BLTP1: variants seen among roughly 807,000 people sequenced by gnomAD.
BLTP1 encodes the protein bridge-like lipid transfer protein family member 1, also known as fragile site-associated protein.
At chr4:122,164,359 T>C in the BLTP1 span, 3 of 966,746 alleles carry the variant, frequency 3.1e-6, no homozygotes, top group African/African-American at 5.3e-5. Context: ...ACACGCCAGT[T>C]GTAAAACAAA....
chr4:122,298,582 T>TA, the BLTP1 span: 1 of 841,784 alleles, frequency 1.2e-6, no homozygotes, highest in Admixed American at 6.2e-5. Context: ...TTTAAAAACA[T>TA]ATGACCCCAA....
the BLTP1 span, chr4:122,172,847 A>T: frequency 5.3e-6 from 4 of 758,060 alleles, no homozygotes; most frequent in Non-Finnish European, 6.4e-6. Context: ...AAGCAGGCAT[A>T]CTTGAAACAT....
At chr4:122,251,519 T>A in the BLTP1 span, 1 of 966,934 alleles carries the variant, frequency 1.0e-6, no homozygotes, top group Non-Finnish European at 1.2e-6. Flanking sequence ...TGGAAATGTT[T>A]AGGGGATGGA....
the BLTP1 span, chr4:122,353,889 C>T: frequency 6.2e-7 from 1 of 1,613,906 alleles, no homozygotes; most frequent in Admixed American, 1.7e-5. The surrounding 1 kb of genome is among the most constrained non-coding windows in gnomAD (Gnocchi z 4.3). Context: ...GTTACCAAAC[C>T]ATGTGGTGCT....
the BLTP1 span, among the ~76,000 whole-genome samples, chr4:122,167,080 T>A: frequency 6.6e-6 from 1 of 152,176 alleles, no homozygotes; most frequent in Non-Finnish European, 1.5e-5. Flanking sequence ...GAAAATAGCT[T>A]TTAGAAGGAA....
chr4:122,209,416 G>A, the BLTP1 span: 1 of 1,395,358 alleles, frequency 7.2e-7, no homozygotes. Flanking sequence ...AGGCCGAGAT[G>A]GGTGGATCAC....
the BLTP1 span, chr4:122,224,702 C>T: frequency 6.2e-7 from 1 of 1,613,884 alleles, no homozygotes; most frequent in African/African-American, 1.3e-5. Flanking sequence ...GTACTATCTC[C>T]TGACTTATTT....
At chr4:122,176,343 G>A in the BLTP1 span, among the ~76,000 whole-genome samples, 1 of 152,070 alleles carries the variant, frequency 6.6e-6, no homozygotes, top group African/African-American at 2.4e-5. Context: ...TTAAAAATGA[G>A]TGAAGAGAAT....
chr4:122,326,857 G>C, the BLTP1 span, among the ~76,000 whole-genome samples: 2 of 151,462 alleles, frequency 1.3e-5, no homozygotes, highest in African/African-American at 4.8e-5. Flanking sequence ...TTAAAAATTG[G>C]CTGTTCTAAC....
chr4:122,248,193 C>T, the BLTP1 span: 1 of 825,632 alleles, frequency 1.2e-6, no homozygotes, highest in African/African-American at 1.9e-5. Flanking sequence ...TTCATGACTA[C>T]CTAAGATCTG....
chr4:122,206,049 A>G, the BLTP1 span: 1,276 of 983,390 alleles, frequency 1.3e-3, 9 homozygotes, highest in African/African-American at 0.021. Flanking sequence ...AACTTAAAGT[A>G]CCAAAGGGTA....
At chr4:122,360,815 A>G in the BLTP1 span, among the ~76,000 whole-genome samples, 2 of 150,210 alleles carry the variant, frequency 1.3e-5, no homozygotes, top group African/African-American at 2.5e-5. Context: ...GCAAATTTAA[A>G]TAATAATGTA....
chr4:122,337,301 A>G, the BLTP1 span, among the ~76,000 whole-genome samples: 5 of 152,172 alleles, frequency 3.3e-5, no homozygotes, highest in Admixed American at 6.6e-5. Flanking sequence ...CTTACTGAAC[A>G]TCATAGCTTA....
At chr4:122,354,802 G>A in the BLTP1 span, among the ~76,000 whole-genome samples, 2 of 151,736 alleles carry the variant, frequency 1.3e-5, no homozygotes, top group Non-Finnish European at 2.9e-5. Flanking sequence ...GAGTAGCTGG[G>A]ATTACAGGTG....
chr4:122,360,434 A>C, the BLTP1 span, among the ~76,000 whole-genome samples: 8 of 151,856 alleles, frequency 5.3e-5, no homozygotes, highest in Non-Finnish European at 1.2e-4. Flanking sequence ...CTTTCATCTC[A>C]TCTGCTTTGT....
At chr4:122,324,460 T>G in the BLTP1 span, 3 of 1,610,592 alleles carry the variant, frequency 1.9e-6, no homozygotes, top group Non-Finnish European at 2.5e-6. Flanking sequence ...GGGTTTGAGT[T>G]ACAAACCAAG....
At chr4:122,165,974 C>T in the BLTP1 span, among the ~76,000 whole-genome samples, 1 of 151,576 alleles carries the variant, frequency 6.6e-6, no homozygotes, top group Admixed American at 6.6e-5. Flanking sequence ...TGGATATTAG[C>T]CCTTTGTCAG....
chr4:122,261,176 G>T, the BLTP1 span: 1 of 468,252 alleles, frequency 2.1e-6, no homozygotes, highest in Non-Finnish European at 2.8e-6. Context: ...ATGATAGTTT[G>T]ATATACTTTA....
chr4:122,184,455 A>G, the BLTP1 span: 1 of 152,552 alleles, frequency 6.6e-6, no homozygotes, highest in African/African-American at 2.4e-5. Context: ...CCTGGACAAC[A>G]TGGTGAAACC....
Sources: gnomAD v4.1 joint callset for allele counts (sites outside exome capture counted in the v4.1 genomes callset) on GRCh38, gnomAD v4.1.1 for gene constraint, Gnocchi (gnomAD v3.1) non-coding constraint, MANE v1.5 for transcripts, NCBI Gene and HGNC (gene_info 2026-07-23, HGNC 2026-07-21) for gene names.